The following GRIN3A variants were observed in gnomAD, a reference collection of about 807,000 sequenced individuals.
The protein encoded by GRIN3A is glutamate ionotropic receptor NMDA type subunit 3A.
GRIN3A carries 47 observed loss-of-function variants against 92.4 expected under a neutral mutation model. The ratio of observed to expected loss-of-function variants is 0.51; its 90% CI spans 0.40 to 0.65. The LOEUF is 0.65. GRIN3A is among the 30% of genes least tolerant of loss of function. GRIN3A has a pLI of 0.00. For missense variants in GRIN3A, 1,324 were observed against 1,393.1 expected (o/e 0.95, Z 0.79); for synonymous variants, 527 against 540.6 (o/e 0.97, Z 0.35).
chr9:101,706,560 GGAAA>G (rs1829818200), intron 1 of GRIN3A, among the ~76,000 whole-genome samples: 1 of 152,162 alleles, frequency 6.6e-6, no homozygotes, highest in African/African-American at 2.4e-5. Flanking sequence ...TCAGGGTGCT[GGAAA>G]GACTGACATT....
rs746600726 is a variant in GRIN3A, at chr9:101,686,702, C to T, written c.1198G>A (p.Val400Ile). ...QDAMELVARA[V>I]ATATMIQPEL... ...GGTTGGATCATGGTGGCTGTGGCTA[C>T]AGCTCTTGCGACCAGCTCCATAGCA... is the stretch of plus-strand genomic sequence containing the variant. The change falls in exon 2 of 9, where the codon GTA becomes ATA. Residue 400 changes from valine (V) to isoleucine (I), a missense_variant. Physicochemically the swap from Val to Ile is conservative, Grantham distance 29. Transcript: ENST00000361820. 1 of 1,613,994 alleles carries T rather than the reference C, an allele frequency of 6.2e-7. No homozygotes were observed. Among genetic ancestry groups the T allele is most frequent in the South Asian group, 1.1e-5 (1 of 91,082 alleles).
chr9:101,670,536 G>T lies in GRIN3A; in HGVS notation c.1876C>A (p.His626Asn), dbSNP rs140158501. The T allele has an allele frequency of 1.9e-6, 3 of 1,613,730 alleles. No homozygotes were observed. The highest frequency in any genetic ancestry group is 2.5e-6 in the Non-Finnish European group (3 of 1,179,696). ...ATGCTAAAGGAAGTGACTGCCATGT[G>T]GGCAGTCCCTCTCAGGAGATCACCC... ...LVGDLLRGTA[H>N]MAVTSFSINT... The change falls in exon 3 of 9, where the codon CAC becomes AAC. Residue 626 changes from histidine to asparagine, a missense_variant. Coordinates refer to ENST00000361820, the MANE Select transcript of GRIN3A (RefSeq NM_133445.3).
At chr9:101,591,662 C>T (rs1359847333) in intron 6 of GRIN3A, 2 of 152,198 alleles carry the variant, frequency 1.3e-5, no homozygotes, top group African/African-American at 2.4e-5. Context: ...CTGTATAGAA[C>T]TAGATTTGTT....
intron 3 of GRIN3A, among the ~76,000 whole-genome samples, chr9:101,634,554 G>A (rs902175140): frequency 1.6e-4 from 24 of 151,608 alleles, no homozygotes; most frequent in African/African-American, 5.3e-4. Flanking sequence ...GCTGTGATTC[G>A]GGGAGATTAA....
intron 3 of GRIN3A, among the ~76,000 whole-genome samples, chr9:101,637,150 T>C (rs1450192826): frequency 2.0e-5 from 3 of 152,084 alleles, no homozygotes; most frequent in Non-Finnish European, 4.4e-5. Context: ...TGGAGTGCAG[T>C]GGCGCCATCT....
intron 6 of GRIN3A, among the ~76,000 whole-genome samples, chr9:101,584,572 G>A (rs539736870): frequency 1.6e-4 from 25 of 152,258 alleles, no homozygotes; most frequent in South Asian, 4.1e-4. Context: ...GTGTTTTAGC[G>A]AATTTAGGGA....
At chr9:101,717,844 G>A (rs766703660) in intron 1 of GRIN3A, among the ~76,000 whole-genome samples, 9 of 152,172 alleles carry the variant, frequency 5.9e-5, no homozygotes, top group Non-Finnish European at 1.2e-4. Flanking sequence ...AAATGATTTA[G>A]GGAGAATGAA....
intron 3 of GRIN3A, among the ~76,000 whole-genome samples, chr9:101,655,619 C>T (rs1382685388): frequency 6.6e-6 from 1 of 151,820 alleles, no homozygotes; most frequent in Admixed American, 6.6e-5. Flanking sequence ...GAAATTAAAA[C>T]TTGGGTTTAA....
chr9:101,628,547 G>C lies in GRIN3A; in HGVS notation c.2353-146C>G, dbSNP rs187607819. ...AGAAACATGTACATAGAAATGTGCAGACATGGCTACATGCTTTTTACATCA... is the reference window on the plus strand; with the variant it reads ...AGAAACATGTACATAGAAATGTGCACACATGGCTACATGCTTTTTACATCA... On this transcript the variant is annotated intron_variant, in intron 3 of 8. Coordinates refer to ENST00000361820, the MANE Select transcript of GRIN3A (RefSeq NM_133445.3). 7.1e-4 allele frequency: 517 copies of C among 731,440 alleles called. 1 individual carries two copies. The highest frequency in any genetic ancestry group is 6.4e-3 in the African/African-American group (359 of 56,512). The allele number at this position is 731,440 out of a possible 1,614,324, so 45.3% of individuals were successfully genotyped here.
Position 101,628,244 on chromosome 9 carries a change from G to A in GRIN3A, c.2498+12C>T, listed in dbSNP as rs1828661450. The A allele has an allele frequency of 6.2e-7, 1 of 1,613,582 alleles. No individual in the cohort carries two copies. Among genetic ancestry groups the A allele is most frequent in the Non-Finnish European group, 8.5e-7 (1 of 1,179,626 alleles). On this transcript the variant is annotated intron_variant, in intron 4 of 8. Coordinates refer to ENST00000361820, the MANE Select transcript of GRIN3A (RefSeq NM_133445.3). ...GAGAATTTTTCTTTGGATCCAAGAG[G>A]TTGACACTCACTTCAGATACTCCAC... is the stretch of plus-strand genomic sequence containing the variant.
At chr9:101,697,129 C>T (rs183509172) in intron 1 of GRIN3A, among the ~76,000 whole-genome samples, 115 of 152,282 alleles carry the variant, frequency 7.6e-4, no homozygotes, top group Admixed American at 4.6e-3. Context: ...CTGACATTGA[C>T]GAGCTTAACA....
chr9:101,599,401 G>T lies in GRIN3A; in HGVS notation c.2766+13975C>A, dbSNP rs187882115. Among the ~76,000 whole-genome samples the T allele has an allele frequency of 3.3e-5, 5 of 152,274 alleles. No individual in the cohort carries two copies. The East Asian group carries it at 9.7e-4, about 29-fold the overall frequency. On this transcript the variant is annotated intron_variant, in intron 6 of 8. Transcript: ENST00000361820. ...CTGGAGTTTTAGTCAATGTGAACTT[G>T]AGTTCCCATTGTTCTACCTTTCATA...
rs1299512263 is a variant in GRIN3A, at chr9:101,670,375, C to T, written c.2037G>A (p.Leu679=). 1 of 1,614,008 alleles carries T rather than the reference C, an allele frequency of 6.2e-7. No individual in the cohort carries two copies. The highest frequency in any genetic ancestry group is 1.7e-5 in the Admixed American group (1 of 59,998). Residue 679 remains leucine (L), a synonymous_variant, in exon 3 of 9, where the codon CTG becomes CTA. Transcript: ENST00000361820. ...TGATGTGCAGAGCCACAAAAATCCC[C>T]AGCCACATTGTCCAGTGGAGTGGCC... is the stretch of plus-strand genomic sequence containing the variant. ...FMWPLHWTMW[L]GIFVALHITA... is the part of the protein sequence containing the mutation.
intron 1 of GRIN3A, among the ~76,000 whole-genome samples, chr9:101,724,093 C>G (rs930621867): frequency 2.0e-5 from 3 of 152,210 alleles, no homozygotes; most frequent in African/African-American, 7.2e-5. Flanking sequence ...GAGCTGCCTG[C>G]CAGTCCCACG....
chr9:101,644,793 T>C (rs1349336324), intron 3 of GRIN3A, among the ~76,000 whole-genome samples: 3 of 151,938 alleles, frequency 2.0e-5, no homozygotes, highest in African/African-American at 4.8e-5. Flanking sequence ...ATGAGTATTT[T>C]TGAGTTCATC....
intron 8 of GRIN3A, among the ~76,000 whole-genome samples, chr9:101,576,426 G>C (rs1391981978): frequency 6.6e-6 from 1 of 152,194 alleles, no homozygotes; most frequent in Non-Finnish European, 1.5e-5. Flanking sequence ...AGGGGTTCAG[G>C]AAGGGAATCT....
chr9:101,611,796 G>T (rs1207283271), intron 6 of GRIN3A, among the ~76,000 whole-genome samples: 1 of 152,220 alleles, frequency 6.6e-6, no homozygotes, highest in Non-Finnish European at 1.5e-5. Context: ...ATGACATAAT[G>T]TGAGATATAT....
At chr9:101,667,563 G>C (rs1325119416) in intron 3 of GRIN3A, among the ~76,000 whole-genome samples, 1 of 151,938 alleles carries the variant, frequency 6.6e-6, no homozygotes, top group Non-Finnish European at 1.5e-5. Context: ...CAAACAATTT[G>C]ACTCATTTAC....
At chr9:101,720,030 C>G (rs556603472) in intron 1 of GRIN3A, among the ~76,000 whole-genome samples, 2 of 152,088 alleles carry the variant, frequency 1.3e-5, no homozygotes, top group Admixed American at 6.5e-5. Context: ...GATAAACACA[C>G]TTTTTAAGTC....
Sources: gnomAD v4.1 joint callset for allele counts (sites outside exome capture counted in the v4.1 genomes callset) on GRCh38, gnomAD v4.1.1 for gene constraint, MANE v1.5 for transcripts, NCBI Gene and HGNC (gene_info 2026-07-23, HGNC 2026-07-21) for gene names.